Variants in FMN2 observed in about 807,000 individuals in gnomAD.
The protein encoded by FMN2 is formin-2.
In FMN2, 51 loss-of-function variants were observed where a neutral mutation model predicts 142.3. The observed-to-expected ratio is 0.36, with a 90% confidence interval of 0.29 to 0.45. The LOEUF (loss-of-function observed/expected upper bound fraction) is 0.45, where lower values mean the gene tolerates loss of function less well. Ranked by LOEUF, FMN2 falls within the 20% of genes least tolerant of loss-of-function variation. The pLI is 1.00. For synonymous variants in FMN2, 882 were observed against 869.8 expected (o/e 1.01, Z -0.25); for missense variants, 1,936 against 2,122.8 (o/e 0.91, Z 1.73).
chr1:240,178,025 C>A lies in FMN2; in HGVS notation c.1887C>A (p.Ser629=). 1 of 1,611,516 alleles carries A rather than the reference C, an allele frequency of 6.2e-7. No homozygotes were observed. The highest frequency in any genetic ancestry group is 1.3e-5 in the African/African-American group (1 of 74,882). Residue 629 remains serine (S), a synonymous_variant, in exon 3 of 18, where the codon TCC becomes TCA. Coordinates refer to ENST00000319653, the MANE Select transcript of FMN2 (RefSeq NM_020066.5). The part of the protein sequence containing the change: ...PRRVPSMGPP[S]KPPDEEHRLE... ...GAGTTCCATCCATGGGGCCACCATCCAAACCTCCCGATGAGGAACACAGGC... is the reference window on the plus strand; with the variant it reads ...GAGTTCCATCCATGGGGCCACCATCAAAACCTCCCGATGAGGAACACAGGC...
At chr1:240,315,053 C>T (rs962276478) in intron 8 of FMN2, among the ~76,000 whole-genome samples, 6 of 152,186 alleles carry the variant, frequency 3.9e-5, no homozygotes, top group South Asian at 2.1e-4. Flanking sequence ...GGAAATGGTG[C>T]AGTTGGCTAG....
At chr1:240,285,861 T>C (rs1669572202) in intron 7 of FMN2, among the ~76,000 whole-genome samples, 1 of 152,088 alleles carries the variant, frequency 6.6e-6, no homozygotes, top group Non-Finnish European at 1.5e-5. Flanking sequence ...GACGACACTT[T>C]GTAGGAGTTG....
chr1:240,370,492 T>G (rs1177353345), intron 14 of FMN2, among the ~76,000 whole-genome samples: 1 of 152,200 alleles, frequency 6.6e-6, no homozygotes. Flanking sequence ...TAAAAACATG[T>G]GTGTATGTCT....
chr1:240,203,245 A>G (rs1351406573), intron 4 of FMN2, among the ~76,000 whole-genome samples: 1 of 152,190 alleles, frequency 6.6e-6, no homozygotes, highest in Non-Finnish European at 1.5e-5. Flanking sequence ...ATTGTGAAAG[A>G]CAGTGTGGCA....
chr1:240,368,955 T>TTATTTATA (rs1553370036), intron 14 of FMN2, among the ~76,000 whole-genome samples: 6 of 148,022 alleles, frequency 4.1e-5, no homozygotes, highest in African/African-American at 1.5e-4. Flanking sequence ...AACACAATGT[T>TTATTTATA]TATATATATA....
At chr1:240,357,038 G>A (rs941678821) in intron 14 of FMN2, among the ~76,000 whole-genome samples, 6 of 152,050 alleles carry the variant, frequency 3.9e-5, no homozygotes, top group African/African-American at 1.4e-4. Flanking sequence ...AAATATTAGG[G>A]AACATTGTAA....
At chr1:240,372,204 C>T (rs1672891975) in intron 14 of FMN2, among the ~76,000 whole-genome samples, 1 of 152,160 alleles carries the variant, frequency 6.6e-6, no homozygotes, top group African/African-American at 2.4e-5. Flanking sequence ...TCATTGCACT[C>T]TAGCCTGGGC....
At chr1:240,123,505 CAAAAAA>C (rs71168901) in intron 2 of FMN2, among the ~76,000 whole-genome samples, 160 bp downstream of exon 2, 17 of 107,776 alleles carry the variant, frequency 1.6e-4, no homozygotes, top group South Asian at 6.5e-4. Flanking sequence ...TGTTTGTACA[CAAAAAA>C]AAAAAAAAAA....
intron 14 of FMN2, among the ~76,000 whole-genome samples, chr1:240,361,479 A>G (rs1330420700): frequency 1.3e-5 from 2 of 152,120 alleles, no homozygotes; most frequent in Non-Finnish European, 1.5e-5. Context: ...GGAAGTGGGG[A>G]TGGTGCTGAA....
intron 2 of FMN2, chr1:240,154,730 C>A (rs2103279016): frequency 6.6e-6 from 1 of 152,294 alleles, no homozygotes; most frequent in Non-Finnish European, 1.5e-5. Flanking sequence ...TCTGAACAAT[C>A]AATTGAAATC....
chr1:240,109,767 T>C (rs1661739584), intron 1 of FMN2, among the ~76,000 whole-genome samples: 1 of 152,174 alleles, frequency 6.6e-6, no homozygotes, highest in East Asian at 1.9e-4. Context: ...ACACTGACTC[T>C]CCCTGCGGTA....
At chr1:240,364,861 A>G (rs74151650) in intron 14 of FMN2, among the ~76,000 whole-genome samples, 2,778 of 152,300 alleles carry the variant, frequency 0.018, 79 homozygotes, top group African/African-American at 0.063. Context: ...ATTCAACACA[A>G]GCATCTCAGT....
Position 240,460,768 on chromosome 1 carries a change from A to G in FMN2, c.5061-11604A>G, listed in dbSNP as rs1407392447. Among the ~76,000 whole-genome samples the G allele has an allele frequency of 2.6e-5, 4 of 152,264 alleles. No homozygotes were observed. In the South Asian group the frequency reaches 6.2e-4, roughly 24 times the overall value. On this transcript the variant is annotated intron_variant, in intron 16 of 17. Transcript: ENST00000319653. Reference sequence around the variant, plus strand: ...GAAAATCACGTATTTATTAAACAATATAAATATTGTTTTTGTTTGTTTAAT... The same window carrying G: ...GAAAATCACGTATTTATTAAACAATGTAAATATTGTTTTTGTTTGTTTAAT...
At chr1:240,340,285 A>T (rs1671703001) in intron 13 of FMN2, among the ~76,000 whole-genome samples, 1 of 152,086 alleles carries the variant, frequency 6.6e-6, no homozygotes, top group African/African-American at 2.4e-5. Context: ...AATGGGTGTT[A>T]AACTCTTAGT....
At chr1:240,123,488 G>A (rs1254836486) in intron 2 of FMN2, 143 bp downstream of exon 2, 5 of 411,618 alleles carry the variant, frequency 1.2e-5, no homozygotes, top group Admixed American at 5.2e-5. Flanking sequence ...CAACAGCTCG[G>A]TATGTCTGTT....
intron 13 of FMN2, among the ~76,000 whole-genome samples, chr1:240,352,845 C>A (rs1362819256): frequency 1.3e-5 from 2 of 152,132 alleles, no homozygotes; most frequent in Non-Finnish European, 2.9e-5. Flanking sequence ...GTGAGGCTGT[C>A]GTAAATGATA....
At chr1:240,188,542 C>G (rs1482847059) in intron 4 of FMN2, among the ~76,000 whole-genome samples, 2 of 152,152 alleles carry the variant, frequency 1.3e-5, no homozygotes, top group Middle Eastern at 3.2e-3. Flanking sequence ...CGGGCTCCAG[C>G]AGGAAACGGT....
chr1:240,152,567 C>CT (rs1359435554), intron 2 of FMN2, among the ~76,000 whole-genome samples: 1 of 152,184 alleles, frequency 6.6e-6, no homozygotes, highest in Non-Finnish European at 1.5e-5. Context: ...CTCTCTTCTT[C>CT]TTACGCTTGT....
rs148198059 is a variant in FMN2, at chr1:240,109,886, G to A, written c.1616-13293G>A. ...TTACTATTATTATTATTAGTTAAGG[G>A]CAGGGAGCATGTTTTCTTCAGCTTG... On this transcript the variant is annotated intron_variant, in intron 1 of 17. Coordinates refer to ENST00000319653, the MANE Select transcript of FMN2 (RefSeq NM_020066.5). Among the ~76,000 whole-genome samples, 500 of 152,138 alleles carry A rather than the reference G, an allele frequency of 3.3e-3. 2 individuals carry two copies. The highest frequency in any genetic ancestry group is 0.012 in the African/African-American group (480 of 41,486).
Sources: allele counts gnomAD v4.1 joint callset (sites outside exome capture counted in the v4.1 genomes callset), GRCh38; gene constraint gnomAD v4.1.1; transcripts MANE v1.5; gene names NCBI Gene and HGNC (gene_info 2026-07-23, HGNC 2026-07-21).